The following ZDHHC11 variants were observed in gnomAD, a reference collection of about 807,000 sequenced individuals.
The protein encoded by ZDHHC11 is zDHHC palmitoyltransferase 11.
In ZDHHC11, 44 loss-of-function variants were observed where a neutral mutation model predicts 51.3. The ratio of observed to expected loss-of-function variants is 0.86; its 90% CI spans 0.67 to 1.10. ZDHHC11 has a LOEUF of 1.10. Ranked by LOEUF, ZDHHC11 falls within the 50% of genes least tolerant of loss-of-function variation. The pLI is 0.00. For missense variants in ZDHHC11, 400 were observed against 537.7 expected (o/e 0.74, Z 2.53); for synonymous variants, 163 against 222.0 (o/e 0.73, Z 2.36).
chr5:857,335 C>T (rs1473352092), intron 1 of ZDHHC11, among the ~76,000 whole-genome samples: 5 of 152,162 alleles, frequency 3.3e-5, no homozygotes, highest in African/African-American at 1.2e-4. Flanking sequence ...CAGACTGGGA[C>T]TCCATCCTTC....
intron 8 of ZDHHC11, 27 bp from the exon 9 acceptor site, chr5:821,922 A>G (rs764148856): frequency 1.9e-6 from 3 of 1,587,614 alleles, no homozygotes. Flanking sequence ...CAAAATTCAT[A>G]GAATGAATTG....
chr5:837,386 T>C lies in ZDHHC11; in HGVS notation c.879A>G (p.Gln293=), dbSNP rs748642086. The C allele has an allele frequency of 1.2e-6, 2 of 1,613,760 alleles. No individual in the cohort carries two copies. The highest frequency in any genetic ancestry group is 8.5e-7 in the Non-Finnish European group (1 of 1,179,746). The change falls in exon 6 of 13, where the codon CAA becomes CAG. Residue 293 remains glutamine, a synonymous_variant. Coordinates refer to ENST00000283441, the MANE Select transcript of ZDHHC11 (RefSeq NM_024786.3). ...GTACCTGGAGAACTCCTTTGTCCAT[T>C]TGCACGTATGGATCTTTCCTCACTG... ...HQAVRKDPYV[Q]MDKGVLQQGA...
At chr5:856,725 CCACACAATA>C (rs908821264) in intron 1 of ZDHHC11, among the ~76,000 whole-genome samples, 38 of 151,550 alleles carry the variant, frequency 2.5e-4, no homozygotes, top group South Asian at 4.2e-4. Context: ...CACACAGGGA[CCACACAATA>C]CACACAATAC....
At chr5:813,846 T>C (rs1364822250) in intron 11 of ZDHHC11, among the ~76,000 whole-genome samples, 1 of 143,872 alleles carries the variant, frequency 7.0e-6, no homozygotes, top group Non-Finnish European at 1.5e-5. Flanking sequence ...AAGGAGGCTG[T>C]GTCAGTGTGA....
At chr5:818,325 G>A (rs1306699084) in intron 10 of ZDHHC11, among the ~76,000 whole-genome samples, 2 of 151,654 alleles carry the variant, frequency 1.3e-5, no homozygotes, top group Non-Finnish European at 3.0e-5. Flanking sequence ...GGCAGGCTGG[G>A]GGCCCAATCG....
At chr5:855,064 G>C (rs942551766), upstream of ZDHHC11, among the ~76,000 whole-genome samples, 8 of 142,408 alleles carry the variant, frequency 5.6e-5, no homozygotes, top group Middle Eastern at 4.7e-3. Flanking sequence ...CAGGGGGACA[G>C]ACCCCACAGA....
chr5:804,397 C>T (rs1406286762), intron 11 of ZDHHC11, among the ~76,000 whole-genome samples: 19 of 151,086 alleles, frequency 1.3e-4, no homozygotes, highest in African/African-American at 3.9e-4. Flanking sequence ...TGGAACGTAT[C>T]CCCCACAGAT....
At chr5:797,586 A>G (rs1737773405) in intron 12 of ZDHHC11, among the ~76,000 whole-genome samples, 1 of 151,488 alleles carries the variant, frequency 6.6e-6, no homozygotes, top group South Asian at 2.1e-4. Context: ...TCCACTTTAA[A>G]AAAAATCAGT....
chr5:818,337 T>C (rs1741101381), intron 10 of ZDHHC11, among the ~76,000 whole-genome samples: 2 of 151,574 alleles, frequency 1.3e-5, no homozygotes, highest in Admixed American at 1.3e-4. Flanking sequence ...GCCCAATCGG[T>C]TTCCACTGAG....
upstream of ZDHHC11, among the ~76,000 whole-genome samples, chr5:851,383 G>C (rs1233899205): frequency 3.4e-5 from 5 of 148,250 alleles, no homozygotes; most frequent in East Asian, 1.0e-3. Context: ...GAGCGGCAGT[G>C]AAAGACACTC....
chr5:840,429 G>C, intron 5 of ZDHHC11, 66 bp downstream of exon 5: 1 of 1,609,608 alleles, frequency 6.2e-7, no homozygotes, highest in Non-Finnish European at 8.5e-7. Flanking sequence ...TCAAGTAGAG[G>C]TGTAAGATGA....
chr5:804,854 T>G (rs1222204507), intron 11 of ZDHHC11, among the ~76,000 whole-genome samples: 1 of 151,200 alleles, frequency 6.6e-6, no homozygotes, highest in Admixed American at 6.6e-5. Context: ...AAAGAAATAT[T>G]AAATAAATTA....
At chr5:811,677 C>T (rs1200626733) in intron 11 of ZDHHC11, among the ~76,000 whole-genome samples, 12 of 150,862 alleles carry the variant, frequency 8.0e-5, no homozygotes, top group African/African-American at 2.2e-4. Flanking sequence ...GCCAGGGAAA[C>T]GCTATCGGCC....
upstream of ZDHHC11, among the ~76,000 whole-genome samples, chr5:852,055 C>CAAA (rs111722785): frequency 9.4e-6 from 1 of 106,920 alleles, no homozygotes. Flanking sequence ...GACTCCATCT[C>CAAA]AAAAAAAAAA....
intron 5 of ZDHHC11, among the ~76,000 whole-genome samples, chr5:839,164 T>G (rs1312946044): frequency 6.2e-5 from 6 of 96,802 alleles, no homozygotes; most frequent in Non-Finnish European, 8.4e-5. Flanking sequence ...TATTTAAATA[T>G]AAGAGAGATT....
At chr5:817,984 C>T (rs112219388) in intron 10 of ZDHHC11, among the ~76,000 whole-genome samples, 90 of 151,248 alleles carry the variant, frequency 6.0e-4, no homozygotes, top group African/African-American at 2.0e-3. Flanking sequence ...AGTGAAGTCA[C>T]GTGCATTTTC....
rs752746259 is a variant in ZDHHC11 at position 850,560 on chromosome 5, C to T, written c.43G>A (p.Ala15Thr). 13 of 1,613,626 alleles carry T rather than the reference C, an allele frequency of 8.1e-6. No homozygotes were observed. Among genetic ancestry groups the T allele is most frequent in the Non-Finnish European group, 1.1e-5 (13 of 1,180,030 alleles). The change falls in exon 1 of 13, where the codon GCC (alanine) becomes ACC (threonine). Residue 15 changes from alanine (A) to threonine (T), a missense_variant. Physicochemically the swap from Ala to Thr is moderately conservative, Grantham distance 58. Transcript: ENST00000283441. The part of the protein sequence containing the change: ...SGSQCSVTPE[A>T]ILNNEKLVLP... ...ACCAGCTTTTCATTATTGAGTATGG[C>T]TTCTGGGGTGACGGAACACTGGCTC... is the stretch of plus-strand genomic sequence containing the variant.
chr5:823,737 C>G (rs1315449023), intron 8 of ZDHHC11: 4 of 229,970 alleles, frequency 1.7e-5, no homozygotes, highest in Non-Finnish European at 3.6e-5. Flanking sequence ...TGCTTCAGAC[C>G]AGGCCTCATG....
chr5:816,811 A>G, intron 10 of ZDHHC11: 1 of 476,524 alleles, frequency 2.1e-6, no homozygotes, highest in East Asian at 4.8e-5. Flanking sequence ...CTCCAGTCTT[A>G]AAAGGTTTGA....
Sources: allele counts gnomAD v4.1 joint callset (sites outside exome capture counted in the v4.1 genomes callset), GRCh38; gene constraint gnomAD v4.1.1; transcripts MANE v1.5; gene names NCBI Gene and HGNC (gene_info 2026-07-23, HGNC 2026-07-21).